Variants in KCNH8 observed in about 807,000 individuals in gnomAD.
KCNH8 encodes potassium voltage-gated channel subfamily H member 8.
A neutral mutation model predicts 103.6 loss-of-function variants in KCNH8; 70 were observed. That is an observed-to-expected ratio of 0.68 (90% CI 0.56 to 0.82). KCNH8 has a LOEUF of 0.82. KCNH8 is among the 40% of genes least tolerant of loss of function. KCNH8 has a pLI of 0.00. For missense variants in KCNH8, 1,217 were observed against 1,329.9 expected, an observed-to-expected ratio of 0.92 and a Z score of 1.32; for synonymous variants, 498 against 489.4, an observed-to-expected ratio of 1.02 and a Z score of -0.23.
At chr3:19,414,249 G>A (rs1427709181) in intron 7 of KCNH8, among the ~76,000 whole-genome samples, 1 of 152,062 alleles carries the variant, frequency 6.6e-6, no homozygotes, top group African/African-American at 2.4e-5. Context: ...AGAGTTTGGA[G>A]CAGGGAAAGG....
chr3:19,355,667 G>T (rs1263882267), intron 5 of KCNH8, among the ~76,000 whole-genome samples: 1 of 152,030 alleles, frequency 6.6e-6, no homozygotes, highest in Non-Finnish European at 1.5e-5. Context: ...CTCACTCGTA[G>T]GTGGCAATTG....
intron 1 of KCNH8, among the ~76,000 whole-genome samples, chr3:19,187,562 A>G (rs1361115405): frequency 5.3e-5 from 8 of 152,012 alleles, no homozygotes; most frequent in African/African-American, 1.7e-4. Context: ...CTGTTCTGTG[A>G]TCAGTTACCC....
chr3:19,395,350 T>A (rs767546002), intron 7 of KCNH8, 39 bp downstream of exon 7: 3 of 1,451,728 alleles, frequency 2.1e-6, no homozygotes, highest in East Asian at 4.6e-5. Context: ...ATTTTTTAAT[T>A]TAAAAAAAAA....
intron 1 of KCNH8, among the ~76,000 whole-genome samples, chr3:19,209,169 T>C (rs2063745406): frequency 6.6e-6 from 1 of 151,996 alleles, no homozygotes; most frequent in African/African-American, 2.4e-5. Flanking sequence ...GTGTAAAATA[T>C]ATATTACACC....
chr3:19,381,545 T>C (rs1245974708), intron 5 of KCNH8, among the ~76,000 whole-genome samples: 1 of 151,926 alleles, frequency 6.6e-6, no homozygotes, highest in African/African-American at 2.4e-5. Flanking sequence ...TGAGAAAAAA[T>C]GCTGGCGGGT....
At chr3:19,325,103 C>A (rs1486542038) in intron 3 of KCNH8, among the ~76,000 whole-genome samples, 1 of 152,086 alleles carries the variant, frequency 6.6e-6, no homozygotes, top group Admixed American at 6.6e-5. Flanking sequence ...ACAGGGAAAG[C>A]ACTCCCTATT....
intron 7 of KCNH8, among the ~76,000 whole-genome samples, chr3:19,430,103 A>T (rs1034280911): frequency 6.6e-6 from 1 of 152,104 alleles, no homozygotes; most frequent in Non-Finnish European, 1.5e-5. Flanking sequence ...GTTGGGTCCA[A>T]TGGTATTTCT....
Position 19,324,408 on chromosome 3 carries a change from A to G in KCNH8, c.443-18179A>G, listed in dbSNP as rs569898047. On this transcript the variant is annotated intron_variant, in intron 3 of 15. Transcript: ENST00000328405. ...ACTTCCAAACACTTACAAAACCATC[A>G]GATCTCATGAGAACTCACTCACTAT... Among the ~76,000 whole-genome samples the G allele has an allele frequency of 4.6e-5, 7 of 152,266 alleles. No individual in the cohort carries two copies. The South Asian group carries it at 1.2e-3, about 27-fold the overall frequency.
intron 7 of KCNH8, among the ~76,000 whole-genome samples, chr3:19,403,838 T>C (rs2066652820): frequency 6.6e-6 from 1 of 151,920 alleles, no homozygotes; most frequent in Non-Finnish European, 1.5e-5. Flanking sequence ...ATGATGCTAA[T>C]CACTATGCAA....
intron 1 of KCNH8, among the ~76,000 whole-genome samples, chr3:19,206,168 G>GTGTGTGTATATATATA (rs979868166): frequency 1.4e-5 from 2 of 139,260 alleles, no homozygotes; most frequent in African/African-American, 5.7e-5. Flanking sequence ...TGGTGTGTGT[G>GTGTGTGTATATATATA]TATATATATA....
At chr3:19,228,542 A>G (rs1353319279) in intron 1 of KCNH8, among the ~76,000 whole-genome samples, 1 of 152,246 alleles carries the variant, frequency 6.6e-6, no homozygotes, top group Non-Finnish European at 1.5e-5. Flanking sequence ...GGGGCAGCTC[A>G]GTAAAACCAT....
chr3:19,493,733 T>A (rs1381338736), intron 11 of KCNH8, among the ~76,000 whole-genome samples: 1 of 151,094 alleles, frequency 6.6e-6, no homozygotes, highest in Non-Finnish European at 1.5e-5. Flanking sequence ...TGTGGCTTTA[T>A]TATTGATGAG....
chr3:19,179,178 T>G (rs1366969155), intron 1 of KCNH8, among the ~76,000 whole-genome samples: 1 of 152,128 alleles, frequency 6.6e-6, no homozygotes, highest in Non-Finnish European at 1.5e-5. Context: ...TGATCTGGTT[T>G]TGTTTGGGAT....
intron 1 of KCNH8, among the ~76,000 whole-genome samples, chr3:19,205,222 C>A (rs955908767): frequency 6.6e-6 from 1 of 151,132 alleles, no homozygotes; most frequent in Admixed American, 6.6e-5. Flanking sequence ...ATTTCAATGG[C>A]AAAAAAAATG....
chr3:19,367,397 T>A (rs991958065), intron 5 of KCNH8, among the ~76,000 whole-genome samples: 1 of 146,924 alleles, frequency 6.8e-6, no homozygotes. Flanking sequence ...TCTCTCTCTA[T>A]ATATATATTT....
intron 2 of KCNH8, 68 bp from the exon 3 acceptor site, chr3:19,281,130 A>G (rs1428477621): frequency 2.6e-6 from 4 of 1,510,082 alleles, no homozygotes; most frequent in African/African-American, 2.8e-5. Flanking sequence ...TTTATTGATG[A>G]TTGAGATTTC....
At chr3:19,289,349 T>C (rs1007937135) in intron 3 of KCNH8, among the ~76,000 whole-genome samples, 84 of 152,348 alleles carry the variant, frequency 5.5e-4, no homozygotes, top group African/African-American at 1.9e-3. Flanking sequence ...CTAGGGTTTT[T>C]ATGGTTTTAG....
intron 1 of KCNH8, among the ~76,000 whole-genome samples, chr3:19,172,944 GA>G (rs1188639491): frequency 6.6e-6 from 1 of 151,208 alleles, no homozygotes; most frequent in African/African-American, 2.4e-5. Flanking sequence ...GTATGTTATT[GA>G]AAAGAAAAAA....
chr3:19,381,355 T>C (rs2066285612), intron 5 of KCNH8, among the ~76,000 whole-genome samples: 1 of 152,192 alleles, frequency 6.6e-6, no homozygotes, highest in Non-Finnish European at 1.5e-5. Flanking sequence ...ATGTAAATCT[T>C]GACTCTTGCA....
Sources: allele counts gnomAD v4.1 joint callset (sites outside exome capture counted in the v4.1 genomes callset), GRCh38; gene constraint gnomAD v4.1.1; transcripts MANE v1.5; gene names NCBI Gene and HGNC (gene_info 2026-07-23, HGNC 2026-07-21).